The following MASP2 variants were observed in gnomAD, a reference collection of about 807,000 sequenced individuals.
MASP2 encodes the protein mannan-binding lectin serine protease 2.
Under a neutral mutation model 57.1 loss-of-function variants are expected in MASP2, and 49 were observed. That is an observed-to-expected ratio of 0.86 (90% CI 0.68 to 1.09). The LOEUF (loss-of-function observed/expected upper bound fraction) is 1.09, where lower values mean the gene tolerates loss of function less well. Among genes scored for constraint, MASP2 ranks in the 50% least tolerant of loss-of-function variants. The pLI is 0.00. For synonymous variants in MASP2, 379 were observed against 340.8 expected (o/e 1.11, Z -1.24); for missense variants, 900 against 874.8 (o/e 1.03, Z -0.36).
intron 8 of MASP2, among the ~76,000 whole-genome samples, chr1:11,031,528 TAAAAA>T (rs565771459): frequency 1.5e-4 from 10 of 67,504 alleles, no homozygotes; most frequent in Admixed American, 6.4e-4. Flanking sequence ...GACTCTGTCT[TAAAAA>T]AAAAAAAAAA....
At chr1:11,040,465 TAAAAA>T (rs61379703) in intron 6 of MASP2, among the ~76,000 whole-genome samples, 33 of 96,304 alleles carry the variant, frequency 3.4e-4, no homozygotes, top group Non-Finnish European at 5.8e-4. Context: ...AGTCTTTGTC[TAAAAA>T]AAAAAAAAAA....
chr1:11,042,841 G>A lies in MASP2; in HGVS notation c.889+34C>T, dbSNP rs201913125. Reference sequence around the variant, plus strand: ...ACTCCAGGAGAGAGGGCAGCTCTGCGCTTCCAGCCAAGATCTGAGACCCAC... The same window carrying A: ...ACTCCAGGAGAGAGGGCAGCTCTGCACTTCCAGCCAAGATCTGAGACCCAC... On this transcript the variant is annotated intron_variant, in intron 6 of 10. Coordinates refer to ENST00000400897, the MANE Select transcript of MASP2 (RefSeq NM_006610.4). The A allele has an allele frequency of 9.1e-4, 1,459 of 1,610,546 alleles. 4 individuals are homozygous for A. The highest frequency in any genetic ancestry group is 3.3e-3 in the South Asian group (297 of 90,790).
chr1:11,036,510 C>CACAAAAA, intron 7 of MASP2, among the ~76,000 whole-genome samples: 1 of 54,330 alleles, frequency 1.8e-5, no homozygotes, highest in Non-Finnish European at 3.3e-5. Flanking sequence ...GACTCCGTCT[C>CACAAAAA]AAAAAAAAAA....
chr1:11,040,465 T>TAA (rs61379703), intron 6 of MASP2, among the ~76,000 whole-genome samples: 995 of 96,270 alleles, frequency 0.01, 10 homozygotes, highest in African/African-American at 0.019. Flanking sequence ...AGTCTTTGTC[T>TAA]AAAAAAAAAA....
intron 8 of MASP2, 51 bp from the exon 9 acceptor site, chr1:11,030,933 C>G: frequency 6.3e-7 from 1 of 1,586,308 alleles, no homozygotes; most frequent in Non-Finnish European, 8.6e-7. Flanking sequence ...TCAGTGCTAA[C>G]TTTCCAAAGG....
At chr1:11,035,386 G>T (rs2100884780) in intron 7 of MASP2, among the ~76,000 whole-genome samples, 1 of 152,016 alleles carries the variant, frequency 6.6e-6, no homozygotes, top group South Asian at 2.1e-4. Context: ...AATTAGCCTG[G>T]CATGGTGGCG....
In MASP2 at chr1:11,030,270, C is replaced by T. The variant is rs374436693; in HGVS notation, c.1223-20G>A. 18 of 1,583,700 alleles carry T rather than the reference C, an allele frequency of 1.1e-5. No homozygotes were observed. In the African/African-American group the frequency reaches 2.3e-4, roughly 20 times the overall value. ...ATTTACCTGCAAATCATTGGAAAAG[C>T]AAAAATGTTTAACTGCATGTATAAG... On this transcript the variant is annotated intron_variant, in intron 9 of 10. Coordinates refer to ENST00000400897, the MANE Select transcript of MASP2 (RefSeq NM_006610.4).
At chr1:11,045,207 G>GC in intron 4 of MASP2, 1 of 824,838 alleles carries the variant, frequency 1.2e-6, no homozygotes, top group East Asian at 2.7e-5. Context: ...AGTCTCAGTC[G>GC]CTAGGGCAGG....
At chr1:11,028,984 T>C (rs1570734988) in intron 10 of MASP2, among the ~76,000 whole-genome samples, 1 of 147,018 alleles carries the variant, frequency 6.8e-6, no homozygotes, top group Non-Finnish European at 1.5e-5. Flanking sequence ...AAGTGCTGAC[T>C]TTTTTTTTCT....
chr1:11,031,519 ACT>A (rs1233141299), intron 8 of MASP2, among the ~76,000 whole-genome samples: 66 of 62,610 alleles, frequency 1.1e-3, no homozygotes, highest in African/African-American at 3.9e-3. Context: ...ACAGAGCAAG[ACT>A]CTGTCTTAAA....
At chr1:11,042,573 GGAAGGATGAGGGGACA>G (rs1638493694) in intron 6 of MASP2, among the ~76,000 whole-genome samples, 3 of 151,246 alleles carry the variant, frequency 2.0e-5, no homozygotes, top group Admixed American at 6.6e-5. Flanking sequence ...ATGAATGGTT[GGAAGGATGAGGGGACA>G]GAAGGATGAG....
intron 6 of MASP2, among the ~76,000 whole-genome samples, chr1:11,039,896 ATGGATAGATG>A (rs1374565794): frequency 9.3e-5 from 10 of 106,960 alleles, no homozygotes; most frequent in African/African-American, 9.1e-5. Context: ...GGATGGATGG[ATGGATAGATG>A]GATGGATAGA....
chr1:11,029,386 C>T lies in MASP2; in HGVS notation c.1297+790G>A, dbSNP rs530457921. On this transcript the variant is annotated intron_variant, in intron 10 of 10. Transcript: ENST00000400897. ...ACTGCACTCCAACCTGGCAAGAGAG[C>T]GAGATTCCGTCTCAAAAAATAATAA... Among the ~76,000 whole-genome samples the T allele has an allele frequency of 1.3e-3, 200 of 150,500 alleles. 2 individuals are homozygous for T. The highest frequency in any genetic ancestry group is 4.5e-3 in the African/African-American group (186 of 41,060).
At chr1:11,032,081 T>C (rs1378937927) in intron 8 of MASP2, among the ~76,000 whole-genome samples, 1 of 151,040 alleles carries the variant, frequency 6.6e-6, no homozygotes, top group African/African-American at 2.4e-5. Flanking sequence ...CTACCAAAAA[T>C]TTAAAAGGAG....
intron 2 of MASP2, 59 bp from the exon 3 acceptor site, chr1:11,046,792 GC>G: frequency 6.4e-7 from 1 of 1,565,466 alleles, no homozygotes; most frequent in South Asian, 1.2e-5. Flanking sequence ...CTCCCTCCTG[GC>G]CAAGCCTGGC....
chr1:11,028,260 A>G (rs1412580379), intron 10 of MASP2, among the ~76,000 whole-genome samples: 2 of 152,154 alleles, frequency 1.3e-5, no homozygotes, highest in Non-Finnish European at 2.9e-5. Context: ...GCAAGCAGGC[A>G]TTGTCTGAGC....
intron 6 of MASP2, among the ~76,000 whole-genome samples, chr1:11,038,800 T>G (rs1044313249): frequency 6.6e-6 from 1 of 152,182 alleles, no homozygotes; most frequent in Admixed American, 6.5e-5. Flanking sequence ...GAAGAGGTGG[T>G]GGAAGTTCTG....
intron 4 of MASP2, chr1:11,044,793 G>GCCCC: frequency 7.2e-7 from 1 of 1,395,828 alleles, no homozygotes. Context: ...ACACGTGGCA[G>GCCCC]CAGGTGGGGT....
Position 11,047,239 on chromosome 1 carries a change from T to C in MASP2, c.-32A>G. 6.4e-7 allele frequency: 1 copy of C among 1,552,018 alleles called. No individual in the cohort carries two copies. The highest frequency in any genetic ancestry group is 1.4e-5 in the African/African-American group (1 of 73,752). ...CCCGTCCAGCTGGCCTGGCCTGGTC[T>C]GCAGCCCTACGCTGGTCTCACCTTT... On this transcript the variant is annotated 5_prime_UTR_variant, in exon 1 of 11. Transcript: ENST00000400897.
Sources: allele counts gnomAD v4.1 joint callset (sites outside exome capture counted in the v4.1 genomes callset), GRCh38; gene constraint gnomAD v4.1.1; transcripts MANE v1.5; gene names NCBI Gene and HGNC (gene_info 2026-07-23, HGNC 2026-07-21).